Variants in CDH13 observed in about 807,000 individuals in gnomAD.
CDH13 encodes the protein cadherin-13.
A neutral mutation model predicts 63.8 loss-of-function variants in CDH13; 24 were observed. The observed-to-expected ratio is 0.38, with a 90% CI of 0.27 to 0.53. CDH13 has a LOEUF of 0.53. Among genes scored for constraint, CDH13 ranks in the 20% least tolerant of loss-of-function variants. The probability of loss-of-function intolerance (pLI) is 0.85; values close to 1 mark genes in which losing one functional copy is unlikely to be tolerated. For missense variants in CDH13, 1,049 were observed against 903.1 expected, an observed-to-expected ratio of 1.16 and a Z score of -2.07; for synonymous variants, 503 against 355.3, an observed-to-expected ratio of 1.42 and a Z score of -4.67.
intron 5 of CDH13, among the ~76,000 whole-genome samples, chr16:83,293,853 G>C (rs576487009): frequency 1.3e-5 from 2 of 152,252 alleles, no homozygotes; most frequent in South Asian, 4.1e-4. Flanking sequence ...ATAACAATCA[G>C]AGCCATAATC....
At chr16:83,752,955 T>C (rs1285825736) in intron 11 of CDH13, among the ~76,000 whole-genome samples, 1 of 152,182 alleles carries the variant, frequency 6.6e-6, no homozygotes, top group Non-Finnish European at 1.5e-5. Context: ...TCTAACTCTG[T>C]TAACGCTAAT....
intron 4 of CDH13, among the ~76,000 whole-genome samples, chr16:83,190,678 C>G (rs990721765): frequency 6.6e-6 from 1 of 152,064 alleles, no homozygotes; most frequent in Non-Finnish European, 1.5e-5. Context: ...AGAAATAGCC[C>G]CAAGTGCTAA....
At chr16:82,800,838 T>C (rs1247475826) in intron 1 of CDH13, among the ~76,000 whole-genome samples, 1 of 152,226 alleles carries the variant, frequency 6.6e-6, no homozygotes, top group Non-Finnish European at 1.5e-5. Context: ...TTGAGTTTGG[T>C]TATTTTACTC....
At chr16:83,501,556 AC>A (rs1475810894) in intron 7 of CDH13, among the ~76,000 whole-genome samples, 3 of 152,216 alleles carry the variant, frequency 2.0e-5, no homozygotes, top group Admixed American at 6.5e-5. Context: ...GTAAACAATT[AC>A]GGCGTTTTTT....
intron 1 of CDH13, among the ~76,000 whole-genome samples, chr16:82,678,670 G>C (rs1194407870): frequency 3.3e-5 from 5 of 152,164 alleles, no homozygotes; most frequent in Non-Finnish European, 7.3e-5. Flanking sequence ...ACCTACTTCT[G>C]TGCAAAACAG....
chr16:83,500,708 G>T (rs1198435987), intron 7 of CDH13, among the ~76,000 whole-genome samples: 1 of 149,366 alleles, frequency 6.7e-6, no homozygotes, highest in Non-Finnish European at 1.5e-5. Context: ...GAGTAGCTGG[G>T]ATTACAGGAA....
At chr16:82,676,449 T>C in intron 1 of CDH13, among the ~76,000 whole-genome samples, 1 of 150,232 alleles carries the variant, frequency 6.7e-6, no homozygotes. Context: ...TCTCTCCCTC[T>C]CCATTGCCAG....
intron 7 of CDH13, among the ~76,000 whole-genome samples, chr16:83,549,668 C>G (rs564018106): frequency 8.2e-4 from 121 of 147,040 alleles, no homozygotes; most frequent in Non-Finnish European, 1.5e-3. Flanking sequence ...CAAAAACAAA[C>G]AAAAAAAATC....
intron 6 of CDH13, chr16:83,383,327 G>C (rs1041847344): frequency 1.3e-5 from 2 of 152,122 alleles, no homozygotes; most frequent in African/African-American, 4.8e-5. Flanking sequence ...AACATCCTCA[G>C]GTTTCCCCCC....
At chr16:83,061,695 C>A (rs1258958743) in intron 3 of CDH13, among the ~76,000 whole-genome samples, 1 of 152,174 alleles carries the variant, frequency 6.6e-6, no homozygotes, top group Admixed American at 6.5e-5. Flanking sequence ...TCCAGTTAAA[C>A]TCCAGTGAGC....
chr16:82,710,404 G>A (rs1255626682), intron 1 of CDH13, among the ~76,000 whole-genome samples: 1 of 145,612 alleles, frequency 6.9e-6, no homozygotes, highest in Admixed American at 6.9e-5. Context: ...ATGGTGGTGG[G>A]TGCTGTAGTC....
At chr16:83,513,128 C>G (rs1300109246) in intron 7 of CDH13, among the ~76,000 whole-genome samples, 2 of 151,994 alleles carry the variant, frequency 1.3e-5, no homozygotes, top group East Asian at 3.8e-4. Context: ...GCCTATAATG[C>G]CTGCTAGTCC....
intron 8 of CDH13, among the ~76,000 whole-genome samples, chr16:83,647,202 C>G (rs1458506144): frequency 6.6e-6 from 1 of 150,750 alleles, no homozygotes; most frequent in South Asian, 2.1e-4. Context: ...CCCAGCTACT[C>G]GGGAGGCTGA....
chr16:83,705,963 A>G (rs1906977576), intron 10 of CDH13, among the ~76,000 whole-genome samples: 1 of 152,120 alleles, frequency 6.6e-6, no homozygotes, highest in Non-Finnish European at 1.5e-5. Context: ...ATTCATGCAT[A>G]ACAAATCACA....
intron 2 of CDH13, among the ~76,000 whole-genome samples, chr16:83,010,135 C>CAAAAAAAAAA (rs67985333): frequency 0.043 from 2,166 of 49,930 alleles, 266 homozygotes; most frequent in Non-Finnish European, 0.052. Context: ...AACTCTGTCT[C>CAAAAAAAAAA]AAAAAAAAAA....
At chr16:83,525,342 C>T (rs576534503) in intron 7 of CDH13, among the ~76,000 whole-genome samples, 6 of 152,322 alleles carry the variant, frequency 3.9e-5, no homozygotes, top group African/African-American at 9.6e-5. Context: ...TGGACAACAA[C>T]GTAAAATAAG....
chr16:83,221,581 C>T (rs1369795962), intron 5 of CDH13, among the ~76,000 whole-genome samples: 1 of 150,906 alleles, frequency 6.6e-6, no homozygotes, highest in Non-Finnish European at 1.5e-5. Flanking sequence ...ATATGATCTA[C>T]TGGCTGCAAA....
At chr16:83,021,920 C>G (rs937817190) in intron 2 of CDH13, among the ~76,000 whole-genome samples, 23 of 152,140 alleles carry the variant, frequency 1.5e-4, no homozygotes, top group African/African-American at 5.6e-4. Context: ...TTGATTCACT[C>G]ATGGATCTGA....
At chr16:83,362,058 C>T (rs770653579) in intron 6 of CDH13, among the ~76,000 whole-genome samples, 4 of 152,090 alleles carry the variant, frequency 2.6e-5, no homozygotes, top group Non-Finnish European at 4.4e-5. Flanking sequence ...AAGGAATCTC[C>T]ATCTATGAAA....
Sources: gnomAD v4.1 joint callset for allele counts (sites outside exome capture counted in the v4.1 genomes callset) on GRCh38, gnomAD v4.1.1 for gene constraint, MANE v1.5 for transcripts, NCBI Gene and HGNC (gene_info 2026-07-23, HGNC 2026-07-21) for gene names.